Variants in POLR3G observed in about 807,000 individuals in gnomAD.
The protein encoded by POLR3G is DNA-directed RNA polymerase III subunit RPC7.
Under a neutral mutation model 30.1 loss-of-function variants are expected in POLR3G, and 28 were observed. The ratio of observed to expected loss-of-function variants is 0.93; its 90% CI spans 0.69 to 1.27. The LOEUF (loss-of-function observed/expected upper bound fraction) is 1.27. POLR3G is among the 50% of genes most tolerant of loss of function. The pLI is 0.00. For synonymous variants in POLR3G, 79 were observed against 82.5 expected (o/e 0.96, Z 0.23); for missense variants, 254 against 264.6 (o/e 0.96, Z 0.28).
At chr5:90,503,662 A>G (rs141857718) in intron 6 of POLR3G, among the ~76,000 whole-genome samples, 79 of 152,314 alleles carry the variant, frequency 5.2e-4, no homozygotes, top group Non-Finnish European at 1.0e-3. Flanking sequence ...AGTTTAGAAG[A>G]GCAAAAGTTG....
intron 1 of POLR3G, among the ~76,000 whole-genome samples, chr5:90,483,507 T>C (rs1035732825): frequency 3.3e-5 from 5 of 152,224 alleles, no homozygotes; most frequent in African/African-American, 4.8e-5. Context: ...TTGGCCATCA[T>C]TGGCAGGGTG....
In POLR3G at chr5:90,493,450, G is replaced by A. The variant is rs577613864; in HGVS notation, c.248-2227G>A. The stretch of plus-strand genomic sequence containing the variant: ...TTTGTAGAGATGGGGGTTTCACCAT[G>A]TTGCTCAGGCTGGTCTCGAACTCCT... On this transcript the variant is annotated intron_variant, in intron 3 of 7. Coordinates refer to ENST00000651687, the MANE Select transcript of POLR3G (RefSeq NM_006467.3). 2.0e-5 allele frequency among the ~76,000 whole-genome samples: 3 copies of A among 152,008 alleles called. No homozygotes were observed. The South Asian group carries it at 6.2e-4, about 32-fold the overall frequency.
chr5:90,508,771 A>T (rs1752608222), intron 7 of POLR3G, among the ~76,000 whole-genome samples: 1 of 152,190 alleles, frequency 6.6e-6, no homozygotes, highest in Non-Finnish European at 1.5e-5. Context: ...TATTATTAAA[A>T]TATTATTTCC....
At chr5:90,477,609 A>C (rs954772143) in intron 1 of POLR3G, among the ~76,000 whole-genome samples, 1 of 152,176 alleles carries the variant, frequency 6.6e-6, no homozygotes, top group African/African-American at 2.4e-5. Context: ...CATCAGGAAT[A>C]ATACCGTGAC....
intron 1 of POLR3G, among the ~76,000 whole-genome samples, chr5:90,475,717 T>A (rs1045844967): frequency 2.6e-5 from 4 of 152,010 alleles, no homozygotes; most frequent in African/African-American, 9.7e-5. Context: ...GGGTTTTTGT[T>A]TGTTTGTTTG....
chr5:90,501,060 A>G (rs559204172), intron 5 of POLR3G, among the ~76,000 whole-genome samples: 2 of 152,302 alleles, frequency 1.3e-5, no homozygotes, highest in Non-Finnish European at 2.9e-5. Context: ...CAAAGCCATT[A>G]CAACATTTTA....
chr5:90,487,184 C>G lies in POLR3G; in HGVS notation c.118-816C>G, dbSNP rs148173775. 3.5e-3 allele frequency among the ~76,000 whole-genome samples: 527 copies of G among 151,914 alleles called. 4 individuals carry two copies. Among genetic ancestry groups the G allele is most frequent in the Admixed American group, 9.1e-3 (139 of 15,246 alleles). ...CTGTAAAAGGATAAATATTGGTAGC[C>G]CTTTCAATGAGATACTGGATGTTGG... On this transcript the variant is annotated intron_variant, in intron 2 of 7. Transcript: ENST00000651687.
At chr5:90,512,011 A>G (rs750715593) in intron 7 of POLR3G, 42 bp from the exon 8 acceptor site, 1 of 1,318,926 alleles carries the variant, frequency 7.6e-7, no homozygotes, top group South Asian at 1.2e-5. Flanking sequence ...CTTACTACTC[A>G]TTCATTTTAA....
rs909937733 is a variant in POLR3G at position 90,474,886 on chromosome 5, T to C, written c.-178T>C. The C allele has an allele frequency of 6.5e-6, 1 of 152,828 alleles. No individual in the cohort carries two copies. The highest frequency in any genetic ancestry group is 1.5e-5 in the Non-Finnish European group (1 of 68,510). 9.5% of individuals were successfully genotyped at this position (152,828 alleles called of 1,614,324 possible). Reference sequence around the variant, plus strand: ...CTCACTCCGCGGTCCTGGTGCCGCGTGCAGGTCGGTGCGCGCTTCTCCCGA... The same window carrying C: ...CTCACTCCGCGGTCCTGGTGCCGCGCGCAGGTCGGTGCGCGCTTCTCCCGA... On this transcript the variant is annotated 5_prime_UTR_variant, in exon 1 of 8. Coordinates refer to ENST00000651687, the MANE Select transcript of POLR3G (RefSeq NM_006467.3).
intron 3 of POLR3G, among the ~76,000 whole-genome samples, chr5:90,489,163 G>T (rs1751594635): frequency 6.6e-6 from 1 of 152,050 alleles, no homozygotes; most frequent in Non-Finnish European, 1.5e-5. Context: ...ATAATTATAG[G>T]AAGCATTTTA....
chr5:90,502,117 A>G (rs1752274166), intron 6 of POLR3G, 129 bp downstream of exon 6: 5 of 1,457,032 alleles, frequency 3.4e-6, no homozygotes, highest in Non-Finnish European at 4.5e-6. Context: ...AGCGAGCCCA[A>G]CATATAAGGT....
upstream of POLR3G, chr5:90,474,020 G>A (rs778910592): frequency 5.1e-5 from 82 of 1,595,376 alleles, no homozygotes; most frequent in South Asian, 4.5e-5. Flanking sequence ...ACTGGTAGAG[G>A]CCGCCGGAGT....
chr5:90,487,550 C>A (rs1220413246), intron 2 of POLR3G, among the ~76,000 whole-genome samples: 5 of 151,706 alleles, frequency 3.3e-5, no homozygotes, highest in African/African-American at 1.2e-4. Flanking sequence ...CGCCACCATG[C>A]CCGGCTAATT....
In POLR3G at chr5:90,501,945, G is replaced by A; in HGVS notation, c.395G>A (p.Gly132Asp). The A allele has an allele frequency of 1.2e-6, 2 of 1,613,414 alleles. No homozygotes were observed. The highest frequency in any genetic ancestry group is 1.7e-6 in the Non-Finnish European group (2 of 1,179,628). Residue 132 changes from glycine to aspartate, a missense_variant, in exon 6 of 8, where the codon GGC (glycine) becomes GAC (aspartate). Coordinates refer to ENST00000651687, the MANE Select transcript of POLR3G (RefSeq NM_006467.3). ...AAAAAGGCAAAAGACGCAGGCAAAG[G>A]CACACCACTCACTAATACTGAAGAT... ...KPKKAKDAGK[G>D]TPLTNTEDVL...
At chr5:90,499,501 G>T (rs1399173986) in intron 5 of POLR3G, among the ~76,000 whole-genome samples, 1 of 152,186 alleles carries the variant, frequency 6.6e-6, no homozygotes. Flanking sequence ...AAGATTCACT[G>T]AGGTAGAATC....
intron 3 of POLR3G, among the ~76,000 whole-genome samples, chr5:90,490,071 C>T (rs1036707610): frequency 5.3e-5 from 8 of 151,694 alleles, no homozygotes; most frequent in Non-Finnish European, 1.2e-4. Context: ...TATGTCACTG[C>T]ACTGCAGCCT....
intron 6 of POLR3G, among the ~76,000 whole-genome samples, chr5:90,503,624 T>G (rs1752355110): frequency 6.6e-6 from 1 of 152,238 alleles, no homozygotes. Flanking sequence ...CTGGAAAAAC[T>G]GGAAATTTAA....
chr5:90,498,635 A>T (rs1275923091), intron 5 of POLR3G, among the ~76,000 whole-genome samples: 1 of 152,228 alleles, frequency 6.6e-6, no homozygotes, highest in Non-Finnish European at 1.5e-5. Flanking sequence ...CATTTGCATA[A>T]CTGCAGATTT....
chr5:90,476,030 T>G (rs1045854846), intron 1 of POLR3G, among the ~76,000 whole-genome samples: 1 of 152,194 alleles, frequency 6.6e-6, no homozygotes, highest in Admixed American at 6.5e-5. Flanking sequence ...TATTTAGGCT[T>G]CAGAAATTCC....
Sources: allele counts gnomAD v4.1 joint callset (sites outside exome capture counted in the v4.1 genomes callset), GRCh38; gene constraint gnomAD v4.1.1; transcripts MANE v1.5; gene names NCBI Gene and HGNC (gene_info 2026-07-23, HGNC 2026-07-21).